The following PGBD2 variants were observed in gnomAD, a reference collection of about 807,000 sequenced individuals.
PGBD2 encodes piggyBac transposable element-derived protein 2.
In PGBD2, 6 loss-of-function variants were observed where a neutral mutation model predicts 8.1. That is an observed-to-expected ratio of 0.74 (90% confidence interval 0.40 to 1.46). PGBD2 has a LOEUF of 1.46. PGBD2 is among the 40% of genes most tolerant of loss of function. PGBD2 has a pLI of 0.02. For missense variants in PGBD2, 802 were observed against 739.0 expected (o/e 1.09, Z -0.99); for synonymous variants, 318 against 272.2 (o/e 1.17, Z -1.66).
At chr1:248,922,218 C>T (rs569593270), downstream of PGBD2, among the ~76,000 whole-genome samples, 8 of 152,044 alleles carry the variant, frequency 5.3e-5, no homozygotes, top group Non-Finnish European at 1.0e-4. Flanking sequence ...CGCCACCATG[C>T]CCAGCTAGTT....
the PGBD2 span, among the ~76,000 whole-genome samples, chr1:248,897,866 T>C: frequency 6.6e-6 from 1 of 152,226 alleles, no homozygotes; most frequent in Non-Finnish European, 1.5e-5. Context: ...CTGCCATCTC[T>C]GCAGCTCCAG....
intron 1 of PGBD2, 60 bp downstream of exon 1, chr1:248,906,402 C>T (rs1184046441): frequency 6.6e-6 from 1 of 151,914 alleles, no homozygotes; most frequent in African/African-American, 2.4e-5. Flanking sequence ...GAGTGGTTGG[C>T]GTTGATGTTG....
the PGBD2 span, among the ~76,000 whole-genome samples, chr1:248,896,552 T>A: frequency 1.3e-5 from 2 of 152,052 alleles, no homozygotes; most frequent in African/African-American, 2.4e-5. Context: ...TCAAGCAATC[T>A]TCCTGCCTCA....
At chr1:248,928,903 G>A in the PGBD2 span, among the ~76,000 whole-genome samples, 3 of 152,152 alleles carry the variant, frequency 2.0e-5, no homozygotes, top group Non-Finnish European at 2.9e-5. Flanking sequence ...AAAGCCAGAC[G>A]CATTCCTGAA....
chr1:248,894,319 T>C, the PGBD2 span, among the ~76,000 whole-genome samples: 1 of 152,294 alleles, frequency 6.6e-6, no homozygotes, highest in Non-Finnish European at 1.5e-5. Context: ...TGCTGTCAGA[T>C]ATATGAAATC....
At chr1:248,921,749 G>C (rs1356508711), downstream of PGBD2, among the ~76,000 whole-genome samples, 1 of 152,158 alleles carries the variant, frequency 6.6e-6, no homozygotes, top group South Asian at 2.1e-4. Context: ...TCACGATATT[G>C]ATTCTTCCTA....
intron 1 of PGBD2, among the ~76,000 whole-genome samples, chr1:248,911,692 C>T (rs988986477): frequency 5.4e-5 from 8 of 149,346 alleles, no homozygotes; most frequent in Admixed American, 1.3e-4. Context: ...CCAGTAGGGG[C>T]GGCTGGGCAG....
At chr1:248,910,248 C>G (rs1246532000) in intron 1 of PGBD2, among the ~76,000 whole-genome samples, 1 of 152,182 alleles carries the variant, frequency 6.6e-6, no homozygotes, top group African/African-American at 2.4e-5. Context: ...TTATGAAGAG[C>G]CTCAGGTCAG....
the PGBD2 span, among the ~76,000 whole-genome samples, chr1:248,874,957 GACAA>G: frequency 1.4e-5 from 2 of 144,170 alleles, no homozygotes; most frequent in African/African-American, 2.7e-5. Context: ...TAGATAGATA[GACAA>G]ATAGATAGAG....
chr1:248,924,317 C>A (rs1489837881), downstream of PGBD2, among the ~76,000 whole-genome samples: 1 of 152,208 alleles, frequency 6.6e-6, no homozygotes, highest in South Asian at 2.1e-4. Context: ...CAAACCCAAG[C>A]CAGGGTGTGT....
In PGBD2 at chr1:248,918,282, C is replaced by T. The variant is rs144945119; in HGVS notation, c.1698C>T (p.Cys566=). 75 of 1,606,602 alleles carry T rather than the reference C, an allele frequency of 4.7e-5. No individual in the cohort carries two copies. In the African/African-American group the frequency reaches 8.0e-4, roughly 17 times the overall value. Residue 566 remains cysteine (C), a synonymous_variant, in exon 3 of 3, where the codon TGC becomes TGT. Transcript: ENST00000329291. ...HQDKRTRCAL[C]HSQTNTRCEK... is the part of the protein sequence containing the mutation. ...ACAAGAGGACCCGGTGTGCCCTCTG[C>T]CACTCACAGACCAACACCCGGTGTG...
At chr1:248,896,960 A>G in the PGBD2 span, among the ~76,000 whole-genome samples, 1 of 152,224 alleles carries the variant, frequency 6.6e-6, no homozygotes, top group Non-Finnish European at 1.5e-5. Context: ...AGTAAAGTAG[A>G]GGTTCCTCTT....
the PGBD2 span, among the ~76,000 whole-genome samples, chr1:248,892,633 G>A: frequency 1.2e-4 from 18 of 152,120 alleles, no homozygotes; most frequent in Admixed American, 2.6e-4. Context: ...TATATTTAGA[G>A]GGTCCTGAAA....
intron 1 of PGBD2, among the ~76,000 whole-genome samples, chr1:248,911,886 A>G (rs932625971): frequency 6.6e-6 from 1 of 151,822 alleles, no homozygotes; most frequent in Non-Finnish European, 1.5e-5. Context: ...ACAGAGAAGG[A>G]TATGACACCA....
At chr1:248,873,334 G>C in the PGBD2 span, among the ~76,000 whole-genome samples, 1 of 152,218 alleles carries the variant, frequency 6.6e-6, no homozygotes, top group Admixed American at 6.5e-5. Flanking sequence ...TCCCGATCCG[G>C]CCGTTATCGC....
chr1:248,916,619 G>T lies in PGBD2; in HGVS notation c.35G>T (p.Arg12Ile). ...ASTSRDVIAGRGIHSKVKSAK... is the reference protein window; with the variant it reads ...ASTSRDVIAGIGIHSKVKSAK... ...CATAACAGAGATGTCATTGCTGGGA[G>T]AGGTATCCACTCAAAGGTGAAGTCT... is the stretch of plus-strand genomic sequence containing the variant. Residue 12 changes from arginine (R) to isoleucine (I), a missense_variant, in exon 3 of 3, where the codon AGA becomes ATA. Coordinates refer to ENST00000329291, the MANE Select transcript of PGBD2 (RefSeq NM_170725.3). 1 of 1,614,110 alleles carries T rather than the reference G, an allele frequency of 6.2e-7. No individual in the cohort carries two copies. Among genetic ancestry groups the T allele is most frequent in the South Asian group, 1.1e-5 (1 of 91,090 alleles).
rs141421707 is a variant in PGBD2, at chr1:248,909,250, A to G, written c.-48+2908A>G. 3.7e-3 allele frequency among the ~76,000 whole-genome samples: 568 copies of G among 152,294 alleles called. 7 individuals are homozygous for G. Among genetic ancestry groups the G allele is most frequent in the African/African-American group, 0.013 (543 of 41,554 alleles). ...ATGGAGGGCCTGGGGAGCACAGTCT[A>G]CAGACTCCTGAAAGGTAGAATGGGT... On this transcript the variant is annotated intron_variant, in intron 1 of 2. Transcript: ENST00000329291.
upstream of PGBD2, among the ~76,000 whole-genome samples, chr1:248,903,060 C>T (rs1661561951): frequency 6.6e-6 from 1 of 152,118 alleles, no homozygotes; most frequent in Non-Finnish European, 1.5e-5. Context: ...ATGGGATCTT[C>T]CTATATTGCC....
intron 1 of PGBD2, among the ~76,000 whole-genome samples, chr1:248,910,254 G>A (rs1048092393): frequency 6.6e-6 from 1 of 152,204 alleles, no homozygotes; most frequent in Admixed American, 6.5e-5. Context: ...AGAGCCTCAG[G>A]TCAGTCCAGG....
Sources: gnomAD v4.1 joint callset for allele counts (sites outside exome capture counted in the v4.1 genomes callset) on GRCh38, gnomAD v4.1.1 for gene constraint, MANE v1.5 for transcripts, NCBI Gene and HGNC (gene_info 2026-07-23, HGNC 2026-07-21) for gene names.